The following ACTN4 variants were observed in gnomAD, a reference collection of about 807,000 sequenced individuals.
The protein encoded by ACTN4 is actinin alpha 4, also known as alpha-actinin-4.
In ACTN4, 18 loss-of-function variants were observed where a neutral mutation model predicts 114.2. That is an observed-to-expected ratio of 0.16 (90% CI 0.11 to 0.23). The LOEUF is 0.23. Ranked by LOEUF, ACTN4 falls within the 10% of genes least tolerant of loss-of-function variation. The pLI is 1.00. For synonymous variants in ACTN4, 515 were observed against 506.3 expected (o/e 1.02, Z -0.23); for missense variants, 722 against 1,262.9 (o/e 0.57, Z 6.49).
intron 3 of ACTN4, among the ~76,000 whole-genome samples, chr19:38,703,503 T>C (rs1242727999): frequency 6.6e-6 from 1 of 152,168 alleles, no homozygotes; most frequent in Non-Finnish European, 1.5e-5. Flanking sequence ...GCCTCCCAAA[T>C]TGCTGGGACT....
intron 1 of ACTN4, among the ~76,000 whole-genome samples, chr19:38,672,272 T>G (rs150164273): frequency 0.013 from 1,923 of 150,104 alleles, 48 homozygotes; most frequent in African/African-American, 0.043. Flanking sequence ...ACGGAGTCTT[T>G]CTCTGTCGCC....
At chr19:38,719,048 G>A (rs1968944250) in intron 11 of ACTN4, among the ~76,000 whole-genome samples, 1 of 152,216 alleles carries the variant, frequency 6.6e-6, no homozygotes, top group Non-Finnish European at 1.5e-5. Context: ...TCCCCCTGCA[G>A]GAGCGCCACT....
intron 5 of ACTN4, among the ~76,000 whole-genome samples, chr19:38,707,769 A>T (rs1343899230): frequency 1.3e-5 from 2 of 152,340 alleles, no homozygotes; most frequent in East Asian, 3.9e-4. Context: ...GTTATAAAGC[A>T]GTTGTCAGGA....
intron 17 of ACTN4, among the ~76,000 whole-genome samples, chr19:38,726,745 G>A (rs191344098): frequency 7.2e-5 from 11 of 152,312 alleles, no homozygotes; most frequent in African/African-American, 1.9e-4. Context: ...TTGCCCTTCT[G>A]CTGCCCCTGT....
intron 3 of ACTN4, 84 bp downstream of exon 3, chr19:38,701,205 A>G: frequency 6.3e-7 from 1 of 1,599,186 alleles, no homozygotes; most frequent in Non-Finnish European, 8.5e-7. Flanking sequence ...CCTGAAGAGA[A>G]GTTTTGTTGG....
intron 1 of ACTN4, among the ~76,000 whole-genome samples, chr19:38,687,213 C>T (rs1411398636): frequency 6.6e-6 from 1 of 150,840 alleles, no homozygotes; most frequent in Non-Finnish European, 1.5e-5. Context: ...CTCAAATGAT[C>T]CACCTGCCTC....
At chr19:38,696,313 A>G (rs1360370843) in intron 1 of ACTN4, among the ~76,000 whole-genome samples, 1 of 152,060 alleles carries the variant, frequency 6.6e-6, no homozygotes, top group Non-Finnish European at 1.5e-5. Flanking sequence ...TGTCCAGAGA[A>G]TGAATATGTA....
intron 1 of ACTN4, among the ~76,000 whole-genome samples, chr19:38,698,608 G>A (rs1968168595): frequency 6.6e-6 from 1 of 152,346 alleles, no homozygotes; most frequent in South Asian, 2.1e-4. Flanking sequence ...CTCCAGGCAC[G>A]GCATTTGGCC....
chr19:38,688,588 G>C (rs992665515), intron 1 of ACTN4, among the ~76,000 whole-genome samples: 1 of 151,406 alleles, frequency 6.6e-6, no homozygotes, highest in South Asian at 2.1e-4. Context: ...TAATAAAAAT[G>C]AGAAATTGGC....
At chr19:38,674,726 C>A (rs1967320500) in intron 1 of ACTN4, among the ~76,000 whole-genome samples, 1 of 152,168 alleles carries the variant, frequency 6.6e-6, no homozygotes, top group Non-Finnish European at 1.5e-5. Context: ...TAGGTTATTT[C>A]TCTAACATTA....
intron 1 of ACTN4, 36 bp from the exon 2 acceptor site, chr19:38,700,564 T>A: frequency 6.4e-7 from 1 of 1,571,476 alleles, no homozygotes; most frequent in African/African-American, 1.3e-5. Flanking sequence ...ACAGCCAGGC[T>A]GACTCTGCGC....
chr19:38,686,918 T>C (rs1967762404), intron 1 of ACTN4, among the ~76,000 whole-genome samples: 1 of 151,770 alleles, frequency 6.6e-6, no homozygotes, highest in Admixed American at 6.6e-5. Context: ...GGGTTTCTTT[T>C]AGCTCCAAGC....
intron 1 of ACTN4, among the ~76,000 whole-genome samples, chr19:38,697,898 G>C (rs1968145577): frequency 6.6e-6 from 1 of 152,224 alleles, no homozygotes. Flanking sequence ...AGGGCTGCTG[G>C]GCTCCTGGGC....
Position 38,700,459 on chromosome 19 carries a change from G to A in ACTN4, c.163-141G>A, listed in dbSNP as rs187753189. ...AAGGATCAGAAACAATGTGTGTATCGGCCATGTACGGTGTGTGTCGGCGAG... is the reference window on the plus strand; with the variant it reads ...AAGGATCAGAAACAATGTGTGTATCAGCCATGTACGGTGTGTGTCGGCGAG... On this transcript the variant is annotated intron_variant, in intron 1 of 20. Coordinates refer to ENST00000252699, the MANE Select transcript of ACTN4 (RefSeq NM_004924.6). 412 of 730,056 alleles carry A rather than the reference G, an allele frequency of 5.6e-4. 1 individual carries two copies. The highest frequency in any genetic ancestry group is 6.7e-4 in the Non-Finnish European group (273 of 405,688). 45.2% of individuals were successfully genotyped at this position (730,056 alleles called of 1,614,324 possible).
At chr19:38,660,954 A>G (rs74955711) in intron 1 of ACTN4, among the ~76,000 whole-genome samples, 2,141 of 152,234 alleles carry the variant, frequency 0.014, 57 homozygotes, top group African/African-American at 0.047. Context: ...AAGAGGTGGC[A>G]TTTCAGCTGT....
rs1372587096 is a variant in ACTN4, at chr19:38,721,615, G to A, written c.1369G>A (p.Glu457Lys). ...SDIKALIRKH[E>K]AFESDLAAHQ... ...CATCAAAGCCCTCATTCGCAAGCAC[G>A]AGGCCTTCGAGAGCGACCTGGCTGC... Residue 457 changes from glutamate to lysine, a missense_variant, in exon 12 of 21, where the codon GAG becomes AAG. Glu to Lys is a moderately conservative substitution (Grantham distance 56, BLOSUM62 1). Coordinates refer to ENST00000252699, the MANE Select transcript of ACTN4 (RefSeq NM_004924.6). 8.1e-6 allele frequency: 13 copies of A among 1,614,030 alleles called. No homozygotes were observed. Among genetic ancestry groups the A allele is most frequent in the Non-Finnish European group, 1.0e-5 (12 of 1,180,030 alleles).
At position 38,726,940 on chromosome 19, in the gene ACTN4, C is replaced by G; in HGVS notation, c.2191-17C>G. 1.2e-6 allele frequency: 2 copies of G among 1,613,446 alleles called. No homozygotes were observed. The highest frequency in any genetic ancestry group is 1.7e-6 in the Non-Finnish European group (2 of 1,179,974). On this transcript the variant is annotated splice_polypyrimidine_tract_variant and intron_variant, in intron 17 of 20. Transcript: ENST00000252699. Reference sequence around the variant, plus strand: ...TCACAGCACCCGGCCCACGATCACGCCCCCGTCTTTCCGCAGCACATCCGC... The same window carrying G: ...TCACAGCACCCGGCCCACGATCACGGCCCCGTCTTTCCGCAGCACATCCGC...
At chr19:38,719,718 G>A (rs138140502) in intron 11 of ACTN4, among the ~76,000 whole-genome samples, 82 of 152,362 alleles carry the variant, frequency 5.4e-4, no homozygotes, top group Middle Eastern at 3.4e-3. Context: ...GGAGGCCTGG[G>A]CGTCGCCCTG....
At chr19:38,708,363 C>T (rs1379471727) in intron 6 of ACTN4, among the ~76,000 whole-genome samples, 168 bp downstream of exon 6, 4 of 152,176 alleles carry the variant, frequency 2.6e-5, no homozygotes, top group Admixed American at 6.5e-5. Context: ...ACCCCTGGCT[C>T]GGTGGCTGAC....
Sources: gnomAD v4.1 joint callset for allele counts (sites outside exome capture counted in the v4.1 genomes callset) on GRCh38, gnomAD v4.1.1 for gene constraint, MANE v1.5 for transcripts, NCBI Gene and HGNC (gene_info 2026-07-23, HGNC 2026-07-21) for gene names.